Variants in AP1S2 observed in about 807,000 individuals in gnomAD.
AP1S2 encodes adaptor related protein complex 1 subunit sigma 2, also known as AP-1 complex subunit sigma-2.
A neutral mutation model predicts 14.3 loss-of-function variants in AP1S2; 1 was observed. The ratio of observed to expected loss-of-function variants is 0.07; its 90% confidence interval spans 0.02 to 0.33. The LOEUF (loss-of-function observed/expected upper bound fraction) is 0.33. AP1S2 is among the 10% of genes least tolerant of loss of function. The pLI is 0.99. For missense variants in AP1S2, 30 were observed against 117.7 expected (o/e 0.25, Z 3.45); for synonymous variants, 30 against 40.5 (o/e 0.74, Z 0.99).
chrX:15,833,303 TC>T, intron 4 of AP1S2: 1 of 873,639 alleles, frequency 1.1e-6, no homozygotes, highest in Admixed American at 6.3e-5. Flanking sequence ...GGAACAATTC[TC>T]AATGTGACCA....
intron 1 of AP1S2, among the ~76,000 whole-genome samples, chrX:15,854,290 ACT>A (rs2147330516): frequency 9.1e-6 from 1 of 109,998 alleles, no homozygotes; most frequent in African/African-American, 3.3e-5. Context: ...CCGTGGCCAC[ACT>A]CCATCACTGA....
At position 15,845,618 on chromosome X, in the gene AP1S2, A is replaced by G. The variant is rs1025799236; in HGVS notation, c.289-102T>C. 31 of 1,035,446 alleles carry G rather than the reference A, an allele frequency of 3.0e-5. No homozygotes were observed. In the African/African-American group the frequency reaches 4.4e-4, roughly 15 times the overall value. 85.3% of individuals were successfully genotyped at this position (1,035,446 alleles called of 1,213,427 possible). ...ATCAGGTAGTGAATAAAATCGAACT[A>G]GAGTGAATCAATCTTAACTCTTTCT... On this transcript the variant is annotated intron_variant, in intron 3 of 5. Transcript: ENST00000672987.
At chrX:15,841,926 G>A (rs1429508690) in intron 4 of AP1S2, among the ~76,000 whole-genome samples, 2 of 111,918 alleles carry the variant, frequency 1.8e-5, no homozygotes, top group African/African-American at 6.5e-5. Flanking sequence ...TAGTAGATCT[G>A]GGTTTAGAAT....
At chrX:15,831,953 T>C in intron 4 of AP1S2, 1 of 742,982 alleles carries the variant, frequency 1.3e-6, no homozygotes, top group Non-Finnish European at 1.6e-6. Context: ...TCATTTGTAT[T>C]ACATAAACTA....
intron 2 of AP1S2, among the ~76,000 whole-genome samples, chrX:15,849,437 G>A (rs1157453194): frequency 1.8e-5 from 2 of 112,679 alleles, no homozygotes; most frequent in Non-Finnish European, 3.8e-5. Flanking sequence ...AAATATGTCC[G>A]TAAGTGGTAG....
intron 3 of AP1S2, 82 bp from the exon 4 acceptor site, chrX:15,845,598 G>A: frequency 9.0e-7 from 1 of 1,108,032 alleles, no homozygotes; most frequent in Non-Finnish European, 1.2e-6. Flanking sequence ...TCACTATCAG[G>A]TAGTGAATAA....
chrX:15,850,979 A>G (rs1934158098), intron 2 of AP1S2, among the ~76,000 whole-genome samples: 1 of 111,558 alleles, frequency 9.0e-6, no homozygotes, highest in African/African-American at 3.3e-5. Flanking sequence ...GCAGTTTTCA[A>G]ACTCAAGAAC....
chrX:15,854,350 T>A (rs1329369513), intron 1 of AP1S2, among the ~76,000 whole-genome samples: 1 of 112,099 alleles, frequency 8.9e-6, no homozygotes, highest in East Asian at 2.8e-4. Flanking sequence ...GACAATGGCA[T>A]CCGCCGCCGC....
rs1031803491 is a variant in AP1S2, at chrX:15,826,519, G to A, written c.*806C>T. ...CTGTGAAGAGAGCAACACGTTTTTTGTAAGATACTGTTATGAAGAATTCCT... is the reference window on the plus strand; with the variant it reads ...CTGTGAAGAGAGCAACACGTTTTTTATAAGATACTGTTATGAAGAATTCCT... On this transcript the variant is annotated 3_prime_UTR_variant, in exon 6 of 6. Coordinates refer to ENST00000672987, the MANE Select transcript of AP1S2 (RefSeq NM_001272071.2). 9 of 111,556 alleles carry A rather than the reference G, an allele frequency of 8.1e-5. No homozygotes were observed. The highest frequency in any genetic ancestry group is 2.3e-4 in the African/African-American group (7 of 30,702). 9.2% of individuals were successfully genotyped at this position (111,556 alleles called of 1,213,427 possible).
chrX:15,854,081 C>T (rs1934255899), intron 1 of AP1S2, among the ~76,000 whole-genome samples: 2 of 112,562 alleles, frequency 1.8e-5, no homozygotes, highest in Admixed American at 1.9e-4. Flanking sequence ...TAAATTATGT[C>T]CTAACATGGG....
intron 4 of AP1S2, among the ~76,000 whole-genome samples, chrX:15,841,561 C>A (rs752962387): frequency 1.8e-4 from 20 of 111,581 alleles, no homozygotes; most frequent in African/African-American, 6.5e-4. Context: ...AATGCTATAC[C>A]CCAAACTATA....
At chrX:15,849,914 A>T (rs1444806933) in intron 2 of AP1S2, among the ~76,000 whole-genome samples, 1 of 111,943 alleles carries the variant, frequency 8.9e-6, no homozygotes, top group Non-Finnish European at 1.9e-5. Flanking sequence ...ATGCTATTTA[A>T]ATTTCTCCAC....
At chrX:15,839,760 T>C (rs868498935) in intron 4 of AP1S2, among the ~76,000 whole-genome samples, 1 of 110,567 alleles carries the variant, frequency 9.0e-6, no homozygotes, top group Middle Eastern at 4.7e-3. Flanking sequence ...AGTGCTGGGA[T>C]TACAAGCTTG....
chrX:15,851,309 G>A (rs1405338957), intron 2 of AP1S2, among the ~76,000 whole-genome samples: 3 of 111,987 alleles, frequency 2.7e-5, no homozygotes, highest in Non-Finnish European at 5.6e-5. Context: ...AGAAACTTAT[G>A]TCTTGTAATC....
intron 4 of AP1S2, among the ~76,000 whole-genome samples, chrX:15,844,036 G>A (rs1443897626): frequency 8.9e-6 from 1 of 111,958 alleles, no homozygotes; most frequent in East Asian, 2.8e-4. Context: ...CTTCACTTTT[G>A]CAGGCACCTT....
rs35656473 is a variant in AP1S2, at chrX:15,826,886, C to CT, written c.*438dup. ...ATTTGATATGTGACATGTCAATTCC[C>CT]TTTTTTTTTTTTTTTACATATGCTG... is the stretch of plus-strand genomic sequence containing the variant. On this transcript the variant is annotated 3_prime_UTR_variant, in exon 6 of 6. Transcript: ENST00000672987. 2,425 of 97,702 alleles carry CT rather than the reference C, an allele frequency of 0.025. 35 individuals carry two copies. Among genetic ancestry groups the CT allele is most frequent in the African/African-American group, 0.048 (1,286 of 26,830 alleles). The allele number at this position is 97,702 out of a possible 1,213,427, so 8.1% of individuals were successfully genotyped here. A position where few individuals can be genotyped will look rare whatever the true frequency, so the allele number is the denominator to read the frequency against.
intron 4 of AP1S2, among the ~76,000 whole-genome samples, chrX:15,843,793 T>C (rs754534498): frequency 9.0e-6 from 1 of 111,702 alleles, no homozygotes; most frequent in African/African-American, 3.3e-5. Context: ...ACCTAATTTT[T>C]AAAAAAGTCT....
intron 1 of AP1S2, among the ~76,000 whole-genome samples, chrX:15,853,607 G>A (rs1251030496): frequency 1.8e-5 from 2 of 112,030 alleles, no homozygotes; most frequent in African/African-American, 3.3e-5. Flanking sequence ...AACACGGGGA[G>A]GGGAAATTTA....
At chrX:15,838,400 T>C (rs1433501982) in intron 4 of AP1S2, among the ~76,000 whole-genome samples, 1 of 111,336 alleles carries the variant, frequency 9.0e-6, no homozygotes, top group Non-Finnish European at 1.9e-5. Context: ...GGAATTTTTA[T>C]TTTTAAAAAA....
Sources: allele counts gnomAD v4.1 joint callset (sites outside exome capture counted in the v4.1 genomes callset), GRCh38; gene constraint gnomAD v4.1.1; transcripts MANE v1.5; gene names NCBI Gene and HGNC (gene_info 2026-07-23, HGNC 2026-07-21).